The following PEAK1 variants were observed in gnomAD, a reference collection of about 807,000 sequenced individuals.
The protein encoded by PEAK1 is pseudopodium enriched atypical kinase 1.
PEAK1 carries 54 observed loss-of-function variants against 124.7 expected under a neutral mutation model. That is an observed-to-expected ratio of 0.43 (90% CI 0.35 to 0.54). The LOEUF (loss-of-function observed/expected upper bound fraction) is 0.54, where lower values mean the gene tolerates loss of function less well. Ranked by LOEUF, PEAK1 falls within the 20% of genes least tolerant of loss-of-function variation. The probability of loss-of-function intolerance (pLI) is 0.01; values close to 1 mark genes in which losing one functional copy is unlikely to be tolerated. For synonymous variants in PEAK1, 719 were observed against 760.0 expected (o/e 0.95, Z 0.89); for missense variants, 2,046 against 2,134.5 (o/e 0.96, Z 0.82).
At chr15:77,167,651 G>A (rs1409013772) in intron 7 of PEAK1, among the ~76,000 whole-genome samples, 2 of 152,204 alleles carry the variant, frequency 1.3e-5, no homozygotes, top group African/African-American at 4.8e-5. Flanking sequence ...AGAAGTAGAA[G>A]TTTGATCTTG....
At chr15:77,271,170 AC>A (rs2062010551) in intron 5 of PEAK1, among the ~76,000 whole-genome samples, 1 of 152,246 alleles carries the variant, frequency 6.6e-6, no homozygotes, top group Admixed American at 6.5e-5. Flanking sequence ...GCCAAAAGAC[AC>A]ATGAAAAAAT....
At chr15:77,379,985 C>T (rs2069340903) in intron 1 of PEAK1, among the ~76,000 whole-genome samples, 1 of 152,304 alleles carries the variant, frequency 6.6e-6, no homozygotes, top group Non-Finnish European at 1.5e-5. Flanking sequence ...TCAACAATTA[C>T]TCACTGAATT....
intron 2 of PEAK1, among the ~76,000 whole-genome samples, chr15:77,336,877 A>C (rs1464234400): frequency 6.6e-6 from 1 of 152,030 alleles, no homozygotes; most frequent in East Asian, 1.9e-4. Context: ...TAGATTGTTT[A>C]AATATAGGGC....
chr15:77,214,644 GAA>G, intron 6 of PEAK1, among the ~76,000 whole-genome samples: 1 of 151,204 alleles, frequency 6.6e-6, no homozygotes, highest in Non-Finnish European at 1.5e-5. Context: ...AAAAAGAAAA[GAA>G]AAGAGGTTTA....
chr15:77,362,238 T>G (rs1002317799), intron 2 of PEAK1, among the ~76,000 whole-genome samples: 2 of 152,052 alleles, frequency 1.3e-5, no homozygotes, highest in Non-Finnish European at 2.9e-5. Context: ...AAAGAAATGA[T>G]AAATGTCTGA....
intron 1 of PEAK1, among the ~76,000 whole-genome samples, chr15:77,407,342 G>A (rs1166966819): frequency 6.6e-6 from 1 of 152,006 alleles, no homozygotes; most frequent in Non-Finnish European, 1.5e-5. Flanking sequence ...CAACCCAAAG[G>A]GTGGGAGAAA....
chr15:77,385,771 G>A (rs1312405490), intron 1 of PEAK1, among the ~76,000 whole-genome samples: 2 of 152,178 alleles, frequency 1.3e-5, no homozygotes, highest in Non-Finnish European at 2.9e-5. Context: ...GTGATTAAGA[G>A]AGGCACTTAT....
chr15:77,230,680 A>T (rs1255059189), intron 6 of PEAK1, among the ~76,000 whole-genome samples: 2 of 152,116 alleles, frequency 1.3e-5, no homozygotes, highest in East Asian at 3.9e-4. Context: ...GATGACTGCT[A>T]AAGGCCAGGA....
chr15:77,360,933 T>A (rs1408844426), intron 2 of PEAK1, among the ~76,000 whole-genome samples: 2 of 151,802 alleles, frequency 1.3e-5, no homozygotes, highest in African/African-American at 4.8e-5. Flanking sequence ...GAAGAAGACA[T>A]AGGGGAAAAT....
intron 9 of PEAK1, among the ~76,000 whole-genome samples, chr15:77,121,021 A>C (rs2051867145): frequency 1.3e-5 from 2 of 151,988 alleles, no homozygotes; most frequent in Non-Finnish European, 2.9e-5. Context: ...TCTTGTACAT[A>C]TCTCTATTAT....
chr15:77,311,436 G>C (rs1011587211), intron 2 of PEAK1, among the ~76,000 whole-genome samples: 1 of 152,154 alleles, frequency 6.6e-6, no homozygotes, highest in Non-Finnish European at 1.5e-5. Flanking sequence ...AACACTTTGC[G>C]AGGCAGAGGC....
intron 7 of PEAK1, among the ~76,000 whole-genome samples, chr15:77,167,327 TC>T (rs1394777700): frequency 6.6e-6 from 1 of 152,124 alleles, no homozygotes; most frequent in Non-Finnish European, 1.5e-5. Flanking sequence ...TTATATTACC[TC>T]CCAAAAGGAA....
intron 1 of PEAK1, among the ~76,000 whole-genome samples, chr15:77,382,681 CAG>C (rs1173470989): frequency 2.0e-5 from 3 of 152,236 alleles, no homozygotes; most frequent in South Asian, 2.1e-4. Context: ...CCTCCTAGAG[CAG>C]AGTCATTTTT....
chr15:77,231,501 T>A (rs568406852), intron 6 of PEAK1, among the ~76,000 whole-genome samples: 70 of 152,310 alleles, frequency 4.6e-4, no homozygotes, highest in Middle Eastern at 3.4e-3. Flanking sequence ...CAAGTTGCAC[T>A]TGCAGAATTA....
chr15:77,417,703 C>T (rs2073002258), intron 1 of PEAK1: 1 of 985,436 alleles, frequency 1.0e-6, no homozygotes, highest in Non-Finnish European at 1.2e-6. Flanking sequence ...GCCCAGCACC[C>T]GTTCCACTTA....
In PEAK1 at chr15:77,114,892, G is replaced by A. The variant is rs763070771; in HGVS notation, c.4505C>T (p.Ser1502Phe). Residue 1502 changes from serine (S) to phenylalanine (F), a missense_variant, in exon 10 of 10, where the codon TCT becomes TTT. By Grantham distance (155) the Ser-to-Phe change is radical. Transcript: ENST00000682557. ...QVCLLLLQLC[S>F]GLEHLKPYHV... ...GTAGGGTTTGAGGTGCTCAAGACCA[G>A]AGCATAGCTGTAAGAGCAGCAGACA... is the stretch of plus-strand genomic sequence containing the variant. 6.2e-7 allele frequency: 1 copy of A among 1,613,940 alleles called. No individual in the cohort carries two copies. The highest frequency in any genetic ancestry group is 1.7e-5 in the Admixed American group (1 of 60,018).
intron 2 of PEAK1, among the ~76,000 whole-genome samples, chr15:77,360,100 A>T (rs558376567): frequency 6.6e-6 from 1 of 152,370 alleles, no homozygotes; most frequent in East Asian, 1.9e-4. Flanking sequence ...TTGAAAGTCC[A>T]GAAATAAACC....
chr15:77,331,748 C>T (rs757854673), intron 2 of PEAK1, among the ~76,000 whole-genome samples: 42 of 151,286 alleles, frequency 2.8e-4, no homozygotes, highest in South Asian at 2.1e-4. Context: ...TCCTGAGTAG[C>T]GTGGGACTAC....
intron 7 of PEAK1, among the ~76,000 whole-genome samples, chr15:77,176,385 T>C (rs2056880364): frequency 6.6e-6 from 1 of 152,078 alleles, no homozygotes; most frequent in African/African-American, 2.4e-5. Context: ...CATGTATCTT[T>C]ATAATGGTGG....
Sources: allele counts gnomAD v4.1 joint callset (sites outside exome capture counted in the v4.1 genomes callset), GRCh38; gene constraint gnomAD v4.1.1; transcripts MANE v1.5; gene names NCBI Gene and HGNC (gene_info 2026-07-23, HGNC 2026-07-21).